Variants in PTBP1 observed in about 807,000 individuals in gnomAD.
PTBP1 encodes the protein polypyrimidine tract binding protein 1.
Under a neutral mutation model 59.8 loss-of-function variants are expected in PTBP1, and 8 were observed. The observed-to-expected ratio is 0.13, with a 90% confidence interval of 0.08 to 0.24. The LOEUF (loss-of-function observed/expected upper bound fraction) is 0.24. Among genes scored for constraint, PTBP1 ranks in the 10% least tolerant of loss-of-function variants. The probability of loss-of-function intolerance (pLI) is 1.00; values close to 1 mark genes in which losing one functional copy is unlikely to be tolerated. For missense variants in PTBP1, 686 were observed against 767.0 expected, an observed-to-expected ratio of 0.89 and a Z score of 1.25; for synonymous variants, 490 against 320.7, an observed-to-expected ratio of 1.53 and a Z score of -5.64.
intron 9 of PTBP1, 128 bp from the exon 10 acceptor site, chr19:806,280 G>C (rs923670183): frequency 9.9e-6 from 11 of 1,111,498 alleles, no homozygotes; most frequent in South Asian, 1.8e-5. Flanking sequence ...ACCCAGGGTA[G>C]GGCCAGAGCC....
Position 799,342 on chromosome 19 carries a change from G to A in PTBP1, c.9-71G>A, listed in dbSNP as rs8100561. 11 of 1,457,344 alleles carry A rather than the reference G, an allele frequency of 7.5e-6. No homozygotes were observed. The East Asian group carries it at 2.3e-4, about 30-fold the overall frequency. 90.3% of individuals were successfully genotyped at this position (1,457,344 alleles called of 1,614,324 possible). A position where few individuals can be genotyped will look rare whatever the true frequency, so the allele number is the denominator to read the frequency against. ...AGGGACCTACGGGCTCTCCTGGCCC[G>A]GGGACAGCTGGGTGCTCCTGCTGCT... On this transcript the variant is annotated intron_variant, in intron 1 of 14. Transcript: ENST00000356948.
At chr19:801,969 C>T (rs1043056361) in intron 2 of PTBP1, among the ~76,000 whole-genome samples, 1 of 152,222 alleles carries the variant, frequency 6.6e-6, no homozygotes, top group Non-Finnish European at 1.5e-5. Context: ...TGACACTGGA[C>T]ACTGTTCATT....
rs1325843682 is a variant in PTBP1, at chr19:811,734, G to C, written c.*908G>C. 2 of 152,430 alleles carry C rather than the reference G, an allele frequency of 1.3e-5. No individual in the cohort carries two copies. Among genetic ancestry groups the C allele is most frequent in the Non-Finnish European group, 2.9e-5 (2 of 68,046 alleles). 9.4% of individuals were successfully genotyped at this position (152,430 alleles called of 1,614,324 possible). A position where few individuals can be genotyped will look rare whatever the true frequency, so the allele number is the denominator to read the frequency against. On this transcript the variant is annotated 3_prime_UTR_variant, in exon 15 of 15. Coordinates refer to ENST00000356948, the MANE Select transcript of PTBP1 (RefSeq NM_002819.5). Reference sequence around the variant, plus strand: ...CCTATCTTAGAGCCCCTGAGCTTCAGGGAAGGGGCGGGCGTGTCGCCGCCT... The same window carrying C: ...CCTATCTTAGAGCCCCTGAGCTTCACGGAAGGGGCGGGCGTGTCGCCGCCT...
At position 806,460 on chromosome 19, in the gene PTBP1, GGCGGCGGCGGCAGCT is replaced by G. The variant is rs1568271927; in HGVS notation, c.1032_1046del (p.Ala345_Ala349del). The G allele has an allele frequency of 1.3e-6, 2 of 1,595,010 alleles. No individual in the cohort carries two copies. The highest frequency in any genetic ancestry group is 1.7e-6 in the Non-Finnish European group (2 of 1,171,586). Reference sequence around the variant, plus strand: ...CCCTGGCCCCCCTGGCCATCCCCTCGGCGGCGGCGGCAGCTGCGGCGGCAGGTCGGATCGCCATCC... The same window carrying G: ...CCCTGGCCCCCCTGGCCATCCCCTCGGCGGCGGCAGGTCGGATCGCCATCC... On this transcript the variant is annotated inframe_deletion, in exon 10 of 15. Transcript: ENST00000356948.
At chr19:800,419 C>T (rs760618934) in intron 2 of PTBP1, among the ~76,000 whole-genome samples, 11 of 152,092 alleles carry the variant, frequency 7.2e-5, no homozygotes, top group African/African-American at 2.7e-4. Context: ...GAAGAAGGTC[C>T]TGGGGAGGCG....
chr19:806,095 G>C (rs907410731), intron 9 of PTBP1: 3 of 318,050 alleles, frequency 9.4e-6, no homozygotes, highest in Non-Finnish European at 1.7e-5. Flanking sequence ...TCCCGGGACG[G>C]GCCCTGCTTG....
At position 808,490 on chromosome 19, in the gene PTBP1, G is replaced by A. The variant is rs1207011978; in HGVS notation, c.1246+38G>A. On this transcript the variant is annotated intron_variant, in intron 12 of 14. Transcript: ENST00000356948. This position sits in a 1 kb window ranked among gnomAD's most constrained non-coding sequence, Gnocchi z 4.7. ...GGCGGCCCCGGGGTGGAGGGGGCAG[G>A]GGCGGGGGCTGCGTTCCCTCTCGGG... 2.6e-6 allele frequency: 4 copies of A among 1,560,188 alleles called. No homozygotes were observed. The highest frequency in any genetic ancestry group is 2.4e-5 in the South Asian group (2 of 85,090).
At position 800,101 on chromosome 19, in the gene PTBP1, ATTT is replaced by A. The variant is rs35076364; in HGVS notation, c.39+674_39+676del. On this transcript the variant is annotated intron_variant, in intron 2 of 14. Coordinates refer to ENST00000356948, the MANE Select transcript of PTBP1 (RefSeq NM_002819.5). Reference sequence around the variant, plus strand: ...ACCACCATGCCCAGCTAATTTTTGTATTTTTTTTTTTTTTTTTTGGTAAAGATG... The same window carrying A: ...ACCACCATGCCCAGCTAATTTTTGTATTTTTTTTTTTTTTTGGTAAAGATG... Among the ~76,000 whole-genome samples, 573 of 131,452 alleles carry A rather than the reference ATTT, an allele frequency of 4.4e-3. 6 individuals carry two copies. The highest frequency in any genetic ancestry group is 0.014 in the African/African-American group (485 of 35,728). 86.2% of individuals were successfully genotyped at this position (131,452 alleles called of 152,430 possible).
At position 806,472 on chromosome 19, in the gene PTBP1, A is replaced by G. The variant is rs1178129956; in HGVS notation, c.1035A>G (p.Ala345=). The G allele has an allele frequency of 4.4e-6, 7 of 1,592,688 alleles. No homozygotes were observed. The highest frequency in any genetic ancestry group is 2.4e-5 in the East Asian group (1 of 42,492). The change falls in exon 10 of 15, where the codon GCA becomes GCG. Residue 345 remains alanine (A), a synonymous_variant. Coordinates refer to ENST00000356948, the MANE Select transcript of PTBP1 (RefSeq NM_002819.5). ...APLAIPSAAA[A]AAAAGRIAIP... ...TGGCCATCCCCTCGGCGGCGGCGGC[A>G]GCTGCGGCGGCAGGTCGGATCGCCA... is the stretch of plus-strand genomic sequence containing the variant.
chr19:807,815 T>A, intron 10 of PTBP1, 54 bp from the exon 11 acceptor site: 1 of 1,503,588 alleles, frequency 6.7e-7, no homozygotes, highest in Non-Finnish European at 9.2e-7. Flanking sequence ...CTCGCCCCCC[T>A]TGACCTCTCC....
In PTBP1 at chr19:806,520, A is replaced by G; in HGVS notation, c.1083A>G (p.Gly361=). 6.4e-7 allele frequency: 1 copy of G among 1,563,366 alleles called. No homozygotes were observed. Among genetic ancestry groups the G allele is most frequent in the Non-Finnish European group, 8.6e-7 (1 of 1,157,808 alleles). Residue 361 remains glycine, a synonymous_variant, in exon 10 of 15, where the codon GGA becomes GGG. Coordinates refer to ENST00000356948, the MANE Select transcript of PTBP1 (RefSeq NM_002819.5). ...RIAIPGLAGA[G]NSVLLVSNLN... is the part of the protein sequence containing the mutation. The stretch of plus-strand genomic sequence containing the variant: ...CCATCCCGGGCCTGGCGGGGGCAGG[A>G]AATTCTGTATTGCTGGTCAGCAACC...
rs765570364 is a variant in PTBP1 at position 808,542 on chromosome 19, C to T, written c.1247-4C>T. On this transcript the variant is annotated splice_polypyrimidine_tract_variant and splice_region_variant and intron_variant, in intron 12 of 14. Coordinates refer to ENST00000356948, the MANE Select transcript of PTBP1 (RefSeq NM_002819.5). The surrounding 1 kb of genome is among the most constrained non-coding windows in gnomAD (Gnocchi z 4.7). ...GCCTGGTCACGCGGGTGCTGCTCCC[C>T]CAGCCATGAGCCACCTGAACGGGCA... 8.8e-6 allele frequency: 14 copies of T among 1,584,458 alleles called. No individual in the cohort carries two copies. Among genetic ancestry groups the T allele is most frequent in the South Asian group, 1.1e-5 (1 of 87,324 alleles).
chr19:800,522 G>A (rs2034286039), intron 2 of PTBP1, among the ~76,000 whole-genome samples: 1 of 152,138 alleles, frequency 6.6e-6, no homozygotes, highest in African/African-American at 2.4e-5. Context: ...CGACTTCAGG[G>A]CTTGTGCCCC....
At position 805,146 on chromosome 19, in the gene PTBP1, A is replaced by C. The variant is rs774378284; in HGVS notation, c.851A>C (p.Asp284Ala). Residue 284 changes from aspartate (D) to alanine (A), a missense_variant, in exon 8 of 15, where the codon GAC becomes GCC. Coordinates refer to ENST00000356948, the MANE Select transcript of PTBP1 (RefSeq NM_002819.5). ...DYTRPDLPSG[D>A]SQPSLDQTMA... is the part of the protein sequence containing the mutation. ...ACACGCCCAGACCTGCCTTCCGGGG[A>C]CAGCCAGCCCTCGCTGGACCAGACC... 5.6e-6 allele frequency: 9 copies of C among 1,613,582 alleles called. No individual in the cohort carries two copies. The highest frequency in any genetic ancestry group is 1.3e-5 in the African/African-American group (1 of 74,924).
chr19:808,498 G>A lies in PTBP1; in HGVS notation c.1246+46G>A, dbSNP rs1386140986. 1.9e-6 allele frequency: 3 copies of A among 1,557,924 alleles called. No individual in the cohort carries two copies. Among genetic ancestry groups the A allele is most frequent in the African/African-American group, 1.4e-5 (1 of 73,532 alleles). ...CGGGGTGGAGGGGGCAGGGGCGGGGGCTGCGTTCCCTCTCGGGCGCCTGGT... is the reference window on the plus strand; with the variant it reads ...CGGGGTGGAGGGGGCAGGGGCGGGGACTGCGTTCCCTCTCGGGCGCCTGGT... On this transcript the variant is annotated intron_variant, in intron 12 of 14. Transcript: ENST00000356948. The surrounding 1 kb of genome is among the most constrained non-coding windows in gnomAD (Gnocchi z 4.7).
At chr19:800,198 T>A (rs1359814631) in intron 2 of PTBP1, among the ~76,000 whole-genome samples, 2 of 151,216 alleles carry the variant, frequency 1.3e-5, no homozygotes, top group Non-Finnish European at 2.9e-5. Context: ...CCTCCCACAG[T>A]GCTGGGATTA....
At position 811,323 on chromosome 19, in the gene PTBP1, T is replaced by A. The variant is rs1379489983; in HGVS notation, c.*497T>A. The A allele has an allele frequency of 6.6e-6, 1 of 152,502 alleles. No individual in the cohort carries two copies. Among genetic ancestry groups the A allele is most frequent in the Non-Finnish European group, 1.5e-5 (1 of 68,196 alleles). The allele number at this position is 152,502 out of a possible 1,614,324, so 9.4% of individuals were successfully genotyped here. A position where few individuals can be genotyped will look rare whatever the true frequency, so the allele number is the denominator to read the frequency against. ...GGCTGCGACACCCCAACCCCAGCCC[T>A]CTAATCAAGTCACGTGATTCTCCCT... On this transcript the variant is annotated 3_prime_UTR_variant, in exon 15 of 15. Transcript: ENST00000356948.
At chr19:809,282 A>G (rs2034736263) in intron 13 of PTBP1, among the ~76,000 whole-genome samples, 1 of 148,718 alleles carries the variant, frequency 6.7e-6, no homozygotes, top group Non-Finnish European at 1.5e-5. Context: ...GCTGGGATAC[A>G]GGCGTGAGCC....
chr19:810,920 C>A lies in PTBP1; in HGVS notation c.*94C>A. On this transcript the variant is annotated 3_prime_UTR_variant, in exon 15 of 15. Coordinates refer to ENST00000356948, the MANE Select transcript of PTBP1 (RefSeq NM_002819.5). ...AAACAGCTGAAGTGACCTTAGCAGA[C>A]CAGAGATTTTATTTTTTTAAAGAGA... 1 of 1,213,026 alleles carries A rather than the reference C, an allele frequency of 8.2e-7. No individual in the cohort carries two copies. The highest frequency in any genetic ancestry group is 1.1e-6 in the Non-Finnish European group (1 of 903,054). The allele number at this position is 1,213,026 out of a possible 1,614,324, so 75.1% of individuals were successfully genotyped here.
Sources: gnomAD v4.1 joint callset for allele counts (sites outside exome capture counted in the v4.1 genomes callset) on GRCh38, gnomAD v4.1.1 for gene constraint, Gnocchi (gnomAD v3.1) non-coding constraint, MANE v1.5 for transcripts, NCBI Gene and HGNC (gene_info 2026-07-23, HGNC 2026-07-21) for gene names.